Variants in CASZ1 observed in about 807,000 individuals in gnomAD.
CASZ1 encodes the protein castor zinc finger 1.
In CASZ1, 28 loss-of-function variants were observed where a neutral mutation model predicts 135.2. That is an observed-to-expected ratio of 0.21 (90% CI 0.15 to 0.28). CASZ1 has a LOEUF of 0.28. CASZ1 is among the 10% of genes least tolerant of loss of function. The probability of loss-of-function intolerance (pLI) is 1.00; values close to 1 mark genes in which losing one functional copy is unlikely to be tolerated. For synonymous variants in CASZ1, 1,068 were observed against 1,073.4 expected (o/e 0.99, Z 0.10); for missense variants, 2,161 against 2,453.3 (o/e 0.88, Z 2.52).
chr1:10,693,526 C>T (rs1638832411), intron 4 of CASZ1, among the ~76,000 whole-genome samples: 1 of 92,438 alleles, frequency 1.1e-5, no homozygotes, highest in African/African-American at 6.0e-5. Flanking sequence ...AAAAAAAAGG[C>T]ACACACACAG....
rs374998789 is a variant in CASZ1, at chr1:10,649,237, G to A, written c.3036-45C>T. Reference sequence around the variant, plus strand: ...TTAGAGGAGAGCCTGGGGCTCCAGGGCGGGTGCGGGGGGACGATGGGTGGA... The same window carrying A: ...TTAGAGGAGAGCCTGGGGCTCCAGGACGGGTGCGGGGGGACGATGGGTGGA... On this transcript the variant is annotated intron_variant, in intron 14 of 20. Coordinates refer to ENST00000377022, the MANE Select transcript of CASZ1 (RefSeq NM_001079843.3). 3 of 1,609,032 alleles carry A rather than the reference G, an allele frequency of 1.9e-6. No individual in the cohort carries two copies. The Admixed American group carries it at 5.0e-5, about 27-fold the overall frequency.
chr1:10,642,889 T>G lies in CASZ1; in HGVS notation c.4132A>C (p.Thr1378Pro). 1 of 1,612,798 alleles carries G rather than the reference T, an allele frequency of 6.2e-7. No individual in the cohort carries two copies. Among genetic ancestry groups the G allele is most frequent in the Non-Finnish European group, 8.5e-7 (1 of 1,179,872 alleles). The change falls in exon 20 of 21, where the codon ACC (threonine) becomes CCC (proline). Residue 1378 changes from threonine to proline, a missense_variant. By Grantham distance (38) the Thr-to-Pro change is conservative. Transcript: ENST00000377022. The stretch of plus-strand genomic sequence containing the variant: ...GCGGTGCTCTCGTTACCCACGGGGG[T>G]GCTGGAGCAGCTCCGGTCCATGGTG... ...SSTMDRSCSS[T>P]PVGNESTAAG...
intron 2 of CASZ1, among the ~76,000 whole-genome samples, chr1:10,750,277 C>CTT (rs1640126356): frequency 6.6e-6 from 1 of 152,034 alleles, no homozygotes; most frequent in African/African-American, 2.4e-5. Context: ...CTTTTCTTTT[C>CTT]TTCTTCTACT....
In CASZ1 at chr1:10,724,491, C is replaced by T. The variant is rs557747731; in HGVS notation, c.-76-18947G>A. 2.6e-4 allele frequency among the ~76,000 whole-genome samples: 39 copies of T among 152,190 alleles called. No homozygotes were observed. Among genetic ancestry groups the T allele is most frequent in the Non-Finnish European group, 5.1e-4 (35 of 68,044 alleles). On this transcript the variant is annotated intron_variant, in intron 2 of 20. Transcript: ENST00000377022. This position sits in a 1 kb window ranked among gnomAD's most constrained non-coding sequence, Gnocchi z 4.1. The stretch of plus-strand genomic sequence containing the variant: ...CAGCTGTCAGCCACCCCAGGCATGT[C>T]GGGAGCTAGAACAGTCCTGGTGGAG...
intron 2 of CASZ1, among the ~76,000 whole-genome samples, chr1:10,746,932 T>C (rs771274460): frequency 6.6e-6 from 1 of 152,152 alleles, no homozygotes; most frequent in Non-Finnish European, 1.5e-5. Flanking sequence ...AGGCTCCCAC[T>C]CCCTGCCCCT....
rs201247030 is a variant in CASZ1, at chr1:10,665,118, T to C, written c.470A>G (p.Lys157Arg). ...EEKDSDGAASKEDSGPSTRQA... is the reference protein window; with the variant it reads ...EEKDSDGAASREDSGPSTRQA... ...CCTGGTGCTGGGGCCGCTGTCCTCC[T>C]TGGAGGCTGCCCCGTCCGAATCCTT... Residue 157 changes from lysine (K) to arginine (R), a missense_variant, in exon 5 of 21, where the codon AAG (lysine) becomes AGG (arginine). This residue lies in a region of CASZ1 where 590 missense variants were observed against 609.8 expected (regional missense o/e 0.97). Transcript: ENST00000377022. 2.0e-5 allele frequency: 31 copies of C among 1,515,292 alleles called. No homozygotes were observed. The East Asian group carries it at 5.7e-4, about 28-fold the overall frequency. The allele number at this position is 1,515,292 out of a possible 1,614,324, so 93.9% of individuals were successfully genotyped here. A position where few individuals can be genotyped will look rare whatever the true frequency, so the allele number is the denominator to read the frequency against.
Position 10,721,283 on chromosome 1 carries a change from G to A in CASZ1, c.-76-15739C>T, listed in dbSNP as rs556239614. On this transcript the variant is annotated intron_variant, in intron 2 of 20. Coordinates refer to ENST00000377022, the MANE Select transcript of CASZ1 (RefSeq NM_001079843.3). This position sits in a 1 kb window ranked among gnomAD's most constrained non-coding sequence, Gnocchi z 5.4. ...CTATCACCTACCTCCCCCACCCCCT[G>A]ATCTTAGGGAAAAAAAAACCCATCA... Among the ~76,000 whole-genome samples, 1 of 151,396 alleles carries A rather than the reference G, an allele frequency of 6.6e-6. No homozygotes were observed. Among genetic ancestry groups the A allele is most frequent in the South Asian group, 2.1e-4 (1 of 4,782 alleles).
chr1:10,655,889 T>C (rs939483389), intron 8 of CASZ1, 76 bp from the exon 9 acceptor site: 4 of 1,483,350 alleles, frequency 2.7e-6, no homozygotes, highest in Non-Finnish European at 3.7e-6. Context: ...CAAGAGCACC[T>C]GGGCCAGGTG....
chr1:10,648,408 T>A lies in CASZ1; in HGVS notation c.3159-269A>T, dbSNP rs773946094. ...CCTCGGTCCCCAGCTCCTCCATATG[T>A]GTGACAGCAGGCCCTGCCCCAGGAA... On this transcript the variant is annotated intron_variant, in intron 15 of 20. Coordinates refer to ENST00000377022, the MANE Select transcript of CASZ1 (RefSeq NM_001079843.3). 21 of 395,236 alleles carry A rather than the reference T, an allele frequency of 5.3e-5. 1 individual carries two copies. Among genetic ancestry groups the A allele is most frequent in the Non-Finnish European group, 9.4e-5 (21 of 222,480 alleles). 24.5% of individuals were successfully genotyped at this position (395,236 alleles called of 1,614,324 possible).
chr1:10,723,130 A>G (rs1373237953), intron 2 of CASZ1, among the ~76,000 whole-genome samples: 1 of 152,234 alleles, frequency 6.6e-6, no homozygotes, highest in South Asian at 2.1e-4. Context: ...CTGGCTGGTC[A>G]CTGAACAGTG....
At chr1:10,662,095 G>A (rs1643053872) in intron 5 of CASZ1, among the ~76,000 whole-genome samples, 1 of 149,090 alleles carries the variant, frequency 6.7e-6, no homozygotes, top group South Asian at 2.1e-4. Context: ...ACCCTACACA[G>A]TTACATGCAC....
intron 5 of CASZ1, among the ~76,000 whole-genome samples, chr1:10,663,939 G>A (rs1323972100): frequency 6.6e-6 from 1 of 152,178 alleles, no homozygotes. Context: ...GTGGGGGTGT[G>A]GAGGGGACGG....
At position 10,741,004 on chromosome 1, in the gene CASZ1, A is replaced by T. The variant is rs868037816; in HGVS notation, c.-77+19697T>A. ...AAAAAAAAGTCTAAAAAACACTTAG[A>T]TTTTTTTTTTGACAGTCTTACTCTG... On this transcript the variant is annotated intron_variant, in intron 2 of 20. Transcript: ENST00000377022. The surrounding 1 kb of genome is among the most constrained non-coding windows in gnomAD (Gnocchi z 5.0). 5.9e-3 allele frequency among the ~76,000 whole-genome samples: 843 copies of T among 142,124 alleles called. 9 individuals are homozygous for T. The highest frequency in any genetic ancestry group is 0.021 in the African/African-American group (814 of 38,568). 93.2% of individuals were successfully genotyped at this position (142,124 alleles called of 152,430 possible). A position where few individuals can be genotyped will look rare whatever the true frequency, so the allele number is the denominator to read the frequency against.
Position 10,698,891 on chromosome 1 carries a change from C to A in CASZ1, c.-23-4979G>T, listed in dbSNP as rs1050650003. On this transcript the variant is annotated intron_variant, in intron 3 of 20. Transcript: ENST00000377022. ...ATGAATTGGGCTCAGGCTTAGGTCA[C>A]AGCTTGGCCTCAGGGCTCTGTGTGG... Among the ~76,000 whole-genome samples the A allele has an allele frequency of 2.6e-5, 4 of 152,260 alleles. No homozygotes were observed. In the East Asian group the frequency reaches 7.7e-4, roughly 29 times the overall value.
intron 5 of CASZ1, among the ~76,000 whole-genome samples, chr1:10,662,400 C>T (rs1460617605): frequency 6.6e-6 from 1 of 152,040 alleles, no homozygotes; most frequent in African/African-American, 2.4e-5. Context: ...CACCCAATCA[C>T]GTGCATACAA....
intron 4 of CASZ1, 114 bp downstream of exon 4, chr1:10,693,760 C>CCA: frequency 1.3e-6 from 1 of 778,830 alleles, no homozygotes; most frequent in East Asian, 2.7e-5. Flanking sequence ...CCGCCCGACC[C>CCA]TCCCGGCCCC....
At chr1:10,667,008 C>T (rs1643256981) in intron 4 of CASZ1, among the ~76,000 whole-genome samples, 1 of 152,194 alleles carries the variant, frequency 6.6e-6, no homozygotes, top group African/African-American at 2.4e-5. Flanking sequence ...GTCAGAGTCT[C>T]CACATAGGCG....
intron 4 of CASZ1, among the ~76,000 whole-genome samples, chr1:10,683,465 G>T (rs1345018697): frequency 6.6e-6 from 1 of 152,142 alleles, no homozygotes; most frequent in Non-Finnish European, 1.5e-5. Context: ...AAAGCCAGTG[G>T]AGACACCCAC....
At chr1:10,643,864 C>G (rs1415510257) in intron 18 of CASZ1, among the ~76,000 whole-genome samples, 1 of 152,244 alleles carries the variant, frequency 6.6e-6, no homozygotes, top group Non-Finnish European at 1.5e-5. Flanking sequence ...TTGGCCCCAA[C>G]TATCGCCAAA....
Sources: allele counts gnomAD v4.1 joint callset (sites outside exome capture counted in the v4.1 genomes callset), GRCh38; gene constraint gnomAD v4.1.1; regional missense constraint gnomAD v4.1.1; non-coding constraint Gnocchi (gnomAD v3.1); transcripts MANE v1.5; gene names NCBI Gene and HGNC (gene_info 2026-07-23, HGNC 2026-07-21).